Variants in PIWIL3 observed in about 807,000 individuals in gnomAD.
The protein encoded by PIWIL3 is piwi like RNA-mediated gene silencing 3.
In PIWIL3, 101 loss-of-function variants were observed where a neutral mutation model predicts 109.7. That is an observed-to-expected ratio of 0.92 (90% CI 0.78 to 1.09). PIWIL3 has a LOEUF of 1.09. PIWIL3 is among the 50% of genes least tolerant of loss of function. The pLI, the probability that PIWIL3 is intolerant of heterozygous loss-of-function variation, is 0.00. For missense variants in PIWIL3, 1,031 were observed against 1,072.6 expected (o/e 0.96, Z 0.54); for synonymous variants, 373 against 376.4 (o/e 0.99, Z 0.10).
Position 24,728,371 on chromosome 22 carries a change from T to C in PIWIL3, c.1711A>G (p.Ile571Val), listed in dbSNP as rs1923123013. 1.9e-6 allele frequency: 3 copies of C among 1,614,110 alleles called. No individual in the cohort carries two copies. The highest frequency in any genetic ancestry group is 2.5e-6 in the Non-Finnish European group (3 of 1,180,006). Residue 571 changes from isoleucine to valine, a missense_variant, in exon 15 of 21, where the codon ATT (isoleucine) becomes GTT (valine). By Grantham distance (29) the Ile-to-Val change is conservative. Transcript: ENST00000616349. ...TTGTCATCATTGGGCAGGATACAAA[T>C]CACCTTGAAAACCAGCAAACATGAC... Reference protein sequence around the residue: ...KYTRPTLQMVICILPNDDKRR... With the variant: ...KYTRPTLQMVVCILPNDDKRR...
chr22:24,750,482 A>ATTTTTTTTTTTTTTTTT (rs1241174453), intron 9 of PIWIL3, among the ~76,000 whole-genome samples: 1 of 114,296 alleles, frequency 8.7e-6, no homozygotes, highest in Non-Finnish European at 1.8e-5. Flanking sequence ...ACCACATTTG[A>ATTTTTTTTTTTTTTTTT]TTTTTTTTCT....
chr22:24,757,263 T>C (rs759021875), intron 4 of PIWIL3, among the ~76,000 whole-genome samples: 9 of 151,944 alleles, frequency 5.9e-5, no homozygotes, highest in Non-Finnish European at 1.3e-4. Context: ...ACATTTGTGG[T>C]TTCCAAAAGG....
chr22:24,740,566 G>T (rs1004578423), intron 12 of PIWIL3, among the ~76,000 whole-genome samples: 1 of 113,192 alleles, frequency 8.8e-6, no homozygotes, highest in Non-Finnish European at 2.0e-5. Context: ...AAAAAAGAAA[G>T]AAACTGGAGA....
At chr22:24,771,123 T>C (rs1343634817) in intron 1 of PIWIL3, among the ~76,000 whole-genome samples, 6 of 152,030 alleles carry the variant, frequency 3.9e-5, no homozygotes, top group Admixed American at 2.0e-4. Flanking sequence ...AAATGGTCTC[T>C]TGGAGGCATG....
intron 12 of PIWIL3, among the ~76,000 whole-genome samples, chr22:24,738,622 C>G (rs1923802223): frequency 1.3e-5 from 2 of 152,226 alleles, no homozygotes; most frequent in East Asian, 3.8e-4. Context: ...TCAAGATCAT[C>G]AAGGTGATAT....
chr22:24,745,833 A>G (rs1156316404), intron 12 of PIWIL3, among the ~76,000 whole-genome samples: 1 of 152,060 alleles, frequency 6.6e-6, no homozygotes, highest in Non-Finnish European at 1.5e-5. Flanking sequence ...ATGAGCAACT[A>G]TATGCCAGTA....
At chr22:24,729,185 G>A (rs940120614) in intron 14 of PIWIL3, among the ~76,000 whole-genome samples, 2 of 152,114 alleles carry the variant, frequency 1.3e-5, no homozygotes, top group Non-Finnish European at 2.9e-5. Context: ...ACAGATAAGG[G>A]AAATTTCTTA....
Position 24,734,092 on chromosome 22 carries a change from G to A in PIWIL3, c.1699C>T (p.Leu567=), listed in dbSNP as rs757966113. The A allele has an allele frequency of 1.2e-6, 2 of 1,611,128 alleles. No individual in the cohort carries two copies. The highest frequency in any genetic ancestry group is 1.7e-6 in the Non-Finnish European group (2 of 1,179,114). Residue 567 remains leucine, a synonymous_variant, in exon 14 of 21, where the codon CTG becomes TTG. Coordinates refer to ENST00000616349, the MANE Select transcript of PIWIL3 (RefSeq NM_001255975.1). ...DTLRKYTRPT[L]QMVICILPND... The stretch of plus-strand genomic sequence containing the variant: ...ATCAACTAGACACTTACCATCTGCA[G>A]TGTTGGTCTAGTATATTTCCGTAAT...
chr22:24,725,944 C>T (rs985751206), intron 16 of PIWIL3, among the ~76,000 whole-genome samples: 7 of 152,160 alleles, frequency 4.6e-5, no homozygotes, highest in Non-Finnish European at 7.3e-5. Context: ...TTCAACATAT[C>T]TAGTAAAATG....
chr22:24,748,099 T>TA (rs56807638), intron 12 of PIWIL3, among the ~76,000 whole-genome samples: 46 of 151,820 alleles, frequency 3.0e-4, no homozygotes, highest in South Asian at 2.9e-3. Flanking sequence ...TATTCAGCCG[T>TA]AAAAAAAACA....
chr22:24,719,469 A>T lies in PIWIL3; in HGVS notation c.*3T>A, dbSNP rs768859721. 1.9e-6 allele frequency: 3 copies of T among 1,558,674 alleles called. No homozygotes were observed. On this transcript the variant is annotated 3_prime_UTR_variant, in exon 21 of 21. Transcript: ENST00000616349. Reference sequence around the variant, plus strand: ...ATTAGCACATCAGGTCTTCTTCTGCAGGTCAAAGGTAAAAGAGACGAGTTG... The same window carrying T: ...ATTAGCACATCAGGTCTTCTTCTGCTGGTCAAAGGTAAAAGAGACGAGTTG...
At chr22:24,725,068 C>T (rs374048265) in intron 17 of PIWIL3, 31 bp from the exon 18 acceptor site, 123 of 1,611,422 alleles carry the variant, frequency 7.6e-5, no homozygotes, top group East Asian at 6.2e-4. Context: ...GTAAATAAAC[C>T]GTTACTTGGA....
intron 3 of PIWIL3, among the ~76,000 whole-genome samples, chr22:24,758,864 C>T (rs1379064682): frequency 6.6e-6 from 1 of 152,206 alleles, no homozygotes; most frequent in South Asian, 2.1e-4. Context: ...AAACAGGTAT[C>T]CTAGCTTGGC....
chr22:24,771,821 C>T (rs906800898), intron 1 of PIWIL3, among the ~76,000 whole-genome samples: 5 of 151,926 alleles, frequency 3.3e-5, no homozygotes, highest in Non-Finnish European at 5.9e-5. Context: ...GCAACCTCCA[C>T]CTCCCCGGTT....
chr22:24,756,606 T>C lies in PIWIL3; in HGVS notation c.455A>G (p.Asp152Gly), dbSNP rs200877213. 89 of 1,613,932 alleles carry C rather than the reference T, an allele frequency of 5.5e-5. No homozygotes were observed. Among genetic ancestry groups the C allele is most frequent in the Non-Finnish European group, 7.1e-5 (84 of 1,179,920 alleles). ...TGTACGGAGATTTCCATCTTCTATG[T>C]CTGGTTTGTAGTCAACGTTGTATTT... ...AYKYNVDYKP[D>G]IEDGNLRTIL... The change falls in exon 5 of 21, where the codon GAC becomes GGC. Residue 152 changes from aspartate to glycine, a missense_variant. Physicochemically the swap from Asp to Gly is moderately conservative, Grantham distance 94. Coordinates refer to ENST00000616349, the MANE Select transcript of PIWIL3 (RefSeq NM_001255975.1).
intron 12 of PIWIL3, among the ~76,000 whole-genome samples, chr22:24,744,200 A>AAAAAAAAAAAAAAAAAAAAAAAG: frequency 6.7e-6 from 1 of 148,710 alleles, no homozygotes; most frequent in African/African-American, 2.5e-5. Context: ...AAAAAAAAAA[A>AAAAAAAAAAAAAAAAAAAAAAAG]AAAAAAACAA....
At chr22:24,722,145 C>A (rs1027338508) in intron 19 of PIWIL3, among the ~76,000 whole-genome samples, 1 of 152,136 alleles carries the variant, frequency 6.6e-6, no homozygotes, top group Non-Finnish European at 1.5e-5. Flanking sequence ...TGCAGTGGCA[C>A]GATCTCCGCT....
intron 17 of PIWIL3, 22 bp from the exon 18 acceptor site, chr22:24,725,059 T>C: frequency 6.2e-7 from 1 of 1,612,682 alleles, no homozygotes; most frequent in Non-Finnish European, 8.5e-7. Context: ...TCAGAAAAAG[T>C]AAATAAACCG....
At chr22:24,730,622 T>C (rs1343879364) in intron 14 of PIWIL3, among the ~76,000 whole-genome samples, 2 of 152,186 alleles carry the variant, frequency 1.3e-5, no homozygotes, top group Non-Finnish European at 2.9e-5. Context: ...AGGGGGTATT[T>C]GTATTATTTT....
Sources: gnomAD v4.1 joint callset for allele counts (sites outside exome capture counted in the v4.1 genomes callset) on GRCh38, gnomAD v4.1.1 for gene constraint, MANE v1.5 for transcripts, NCBI Gene and HGNC (gene_info 2026-07-23, HGNC 2026-07-21) for gene names.